Variants in SYNPR observed in about 807,000 individuals in gnomAD.
SYNPR encodes the protein synaptoporin.
In SYNPR, 23 loss-of-function variants were observed where a neutral mutation model predicts 32.9. That is an observed-to-expected ratio of 0.70 (90% CI 0.50 to 0.99). SYNPR has a LOEUF of 0.99. Among genes scored for constraint, SYNPR ranks in the 50% least tolerant of loss-of-function variants. SYNPR has a pLI of 0.00. For synonymous variants in SYNPR, 146 were observed against 135.9 expected (o/e 1.07, Z -0.52); for missense variants, 318 against 349.3 (o/e 0.91, Z 0.71).
intron 2 of SYNPR, among the ~76,000 whole-genome samples, chr3:63,455,382 G>C (rs1186599187): frequency 6.6e-6 from 1 of 152,044 alleles, no homozygotes; most frequent in Non-Finnish European, 1.5e-5. Context: ...ACATTACACT[G>C]TTCAAACTCT....
At chr3:63,246,629 C>G (rs1422719373) in intron 1 of SYNPR, among the ~76,000 whole-genome samples, 3 of 151,938 alleles carry the variant, frequency 2.0e-5, no homozygotes. Flanking sequence ...GAGCACAGAC[C>G]TGAAGTGAGA....
chr3:63,609,825 G>A (rs1270440961), intron 5 of SYNPR, among the ~76,000 whole-genome samples: 1 of 152,238 alleles, frequency 6.6e-6, no homozygotes, highest in Middle Eastern at 3.4e-3. Flanking sequence ...CATGAGAATC[G>A]CTTGAACCCA....
the SYNPR span, among the ~76,000 whole-genome samples, chr3:63,218,909 G>T: frequency 2.0e-5 from 3 of 151,858 alleles, no homozygotes; most frequent in Non-Finnish European, 4.4e-5. Flanking sequence ...CTTTTAATTG[G>T]TTAATTCATT....
chr3:63,313,547 C>T lies in SYNPR; in HGVS notation c.84+34805C>T, dbSNP rs570054520. Among the ~76,000 whole-genome samples, 35 of 149,516 alleles carry T rather than the reference C, an allele frequency of 2.3e-4. 1 individual carries two copies. In the South Asian group the frequency reaches 7.4e-3, roughly 32 times the overall value. On this transcript the variant is annotated intron_variant, in intron 2 of 5. Transcript: ENST00000478300. ...CACTGCAAATGCTGTTAATTCATTC[C>T]TTTTTATGGCTGCATAGTATTCCAT...
At chr3:63,331,941 A>C (rs774343889) in intron 2 of SYNPR, among the ~76,000 whole-genome samples, 18 of 152,156 alleles carry the variant, frequency 1.2e-4, no homozygotes, top group Admixed American at 2.6e-4. Context: ...AGTAGGCTAG[A>C]TGGGAAAAAT....
intron 2 of SYNPR, among the ~76,000 whole-genome samples, chr3:63,305,705 G>A (rs536900289): frequency 3.4e-4 from 52 of 151,918 alleles, no homozygotes; most frequent in Admixed American, 9.2e-4. Flanking sequence ...TTGAGATGCA[G>A]GTGTCCTACC....
the SYNPR span, among the ~76,000 whole-genome samples, chr3:63,209,977 A>C: frequency 6.6e-6 from 1 of 152,164 alleles, no homozygotes. Context: ...TGTATTTTGT[A>C]ATTAAATGAG....
chr3:63,417,541 C>G (rs918774132), intron 2 of SYNPR, among the ~76,000 whole-genome samples: 5 of 152,242 alleles, frequency 3.3e-5, no homozygotes, highest in African/African-American at 4.8e-5. Context: ...GGCTCCCACC[C>G]TACATTTCCC....
At chr3:63,331,651 A>G (rs1384998558) in intron 2 of SYNPR, among the ~76,000 whole-genome samples, 1 of 152,126 alleles carries the variant, frequency 6.6e-6, no homozygotes, top group Non-Finnish European at 1.5e-5. Flanking sequence ...CTTTTACTTG[A>G]GGAACTTAAA....
chr3:63,492,064 G>A (rs1701266348), intron 3 of SYNPR, among the ~76,000 whole-genome samples: 1 of 152,070 alleles, frequency 6.6e-6, no homozygotes. Flanking sequence ...CAGGAACCAA[G>A]GAAGAGATGC....
At chr3:63,503,967 C>T (rs1701537014) in intron 3 of SYNPR, among the ~76,000 whole-genome samples, 1 of 151,914 alleles carries the variant, frequency 6.6e-6, no homozygotes, top group Non-Finnish European at 1.5e-5. Context: ...AGAAGATTAC[C>T]ATTTCCTACT....
intron 2 of SYNPR, among the ~76,000 whole-genome samples, chr3:63,256,611 G>T (rs556070999): frequency 6.6e-6 from 1 of 152,236 alleles, no homozygotes; most frequent in African/African-American, 2.4e-5. Context: ...AAACCACAAA[G>T]ATGGAGAAAA....
intron 3 of SYNPR, among the ~76,000 whole-genome samples, chr3:63,270,560 G>A (rs187427523): frequency 6.6e-6 from 1 of 152,266 alleles, no homozygotes; most frequent in Admixed American, 6.5e-5. Flanking sequence ...GTTGTGATCT[G>A]AGAGATGTAT....
At chr3:63,304,555 T>G (rs142748829) in intron 2 of SYNPR, among the ~76,000 whole-genome samples, 1 of 152,172 alleles carries the variant, frequency 6.6e-6, no homozygotes, top group Non-Finnish European at 1.5e-5. Flanking sequence ...AAAAGATTTT[T>G]GTCTTTCTCC....
chr3:63,234,341 C>A (rs2086186015), intron 1 of SYNPR, among the ~76,000 whole-genome samples: 2 of 152,130 alleles, frequency 1.3e-5, no homozygotes, highest in South Asian at 4.1e-4. Flanking sequence ...CGTGGGAATT[C>A]AAGATGAGAT....
intron 2 of SYNPR, among the ~76,000 whole-genome samples, chr3:63,464,581 C>G (rs1274731973): frequency 6.6e-6 from 1 of 152,082 alleles, no homozygotes. Context: ...TTCTCGGAGC[C>G]CCATCCAATG....
At chr3:63,454,737 G>T (rs894170925) in intron 2 of SYNPR, among the ~76,000 whole-genome samples, 1 of 151,922 alleles carries the variant, frequency 6.6e-6, no homozygotes, top group Non-Finnish European at 1.5e-5. Context: ...GGGCTCTGGG[G>T]TGGCAGAGAT....
intron 2 of SYNPR, among the ~76,000 whole-genome samples, chr3:63,364,398 A>C (rs916173351): frequency 3.3e-5 from 5 of 152,180 alleles, no homozygotes; most frequent in African/African-American, 1.2e-4. Flanking sequence ...CAAATACTCA[A>C]ATAGATAGAG....
At chr3:63,261,635 G>A (rs1421270834) in intron 2 of SYNPR, among the ~76,000 whole-genome samples, 2 of 148,022 alleles carry the variant, frequency 1.4e-5, no homozygotes, top group African/African-American at 5.0e-5. Flanking sequence ...GTTAATGGGT[G>A]CAGCACACCA....
Sources: gnomAD v4.1 joint callset for allele counts (sites outside exome capture counted in the v4.1 genomes callset) on GRCh38, gnomAD v4.1.1 for gene constraint, MANE v1.5 for transcripts, NCBI Gene and HGNC (gene_info 2026-07-23, HGNC 2026-07-21) for gene names.